Variants in INPP5A observed in about 807,000 individuals in gnomAD.
INPP5A encodes inositol polyphosphate-5-phosphatase A.
A neutral mutation model predicts 65.2 loss-of-function variants in INPP5A; 14 were observed. That is an observed-to-expected ratio of 0.21 (90% CI 0.14 to 0.34). INPP5A has a LOEUF of 0.34. Among genes scored for constraint, INPP5A ranks in the 10% least tolerant of loss-of-function variants. INPP5A has a pLI of 1.00. For synonymous variants in INPP5A, 207 were observed against 208.3 expected (o/e 0.99, Z 0.05); for missense variants, 431 against 545.6 (o/e 0.79, Z 2.09).
In INPP5A at chr10:132,538,354, C is replaced by T. The variant is rs144681092; in HGVS notation, c.75+183C>T. On this transcript the variant is annotated intron_variant, in intron 1 of 15. Transcript: ENST00000368594. This position sits in a 1 kb window ranked among gnomAD's most constrained non-coding sequence, Gnocchi z 4.1. ...ATTCCCAAGTCTGGGAGCCCAGACC[C>T]CTGTCTTGATCCCCAAGCCCGAGAC... Among the ~76,000 whole-genome samples, 1,872 of 152,232 alleles carry T rather than the reference C, an allele frequency of 0.012. 31 individuals carry two copies. Among genetic ancestry groups the T allele is most frequent in the African/African-American group, 0.041 (1,695 of 41,514 alleles).
At chr10:132,591,222 G>A (rs1469634273) in intron 1 of INPP5A, among the ~76,000 whole-genome samples, 2 of 152,116 alleles carry the variant, frequency 1.3e-5, no homozygotes, top group African/African-American at 4.8e-5. Flanking sequence ...TTTGACATTT[G>A]TCTTTTGATT....
rs529008399 is a variant in INPP5A at position 132,603,067 on chromosome 10, A to C, written c.76-4848A>C. 5.3e-5 allele frequency among the ~76,000 whole-genome samples: 8 copies of C among 152,370 alleles called. No homozygotes were observed. The highest frequency in any genetic ancestry group is 1.9e-4 in the African/African-American group (8 of 41,576). Reference sequence around the variant, plus strand: ...GCATTTTAAAAGTAAATATTTAACTAGTCCTAGTATTGCTTGTCAATTAAT... The same window carrying C: ...GCATTTTAAAAGTAAATATTTAACTCGTCCTAGTATTGCTTGTCAATTAAT... On this transcript the variant is annotated intron_variant, in intron 1 of 15. Coordinates refer to ENST00000368594, the MANE Select transcript of INPP5A (RefSeq NM_005539.5). The surrounding 1 kb of genome is among the most constrained non-coding windows in gnomAD (Gnocchi z 4.2).
intron 6 of INPP5A, among the ~76,000 whole-genome samples, chr10:132,703,836 C>G (rs1473039654): frequency 1.4e-5 from 1 of 68,980 alleles, no homozygotes; most frequent in Non-Finnish European, 2.9e-5. Flanking sequence ...GTGGCTTCAC[C>G]CCCCCCCACA....
chr10:132,560,736 G>T (rs914292897), intron 1 of INPP5A, among the ~76,000 whole-genome samples: 1 of 152,084 alleles, frequency 6.6e-6, no homozygotes, highest in Admixed American at 6.6e-5. Flanking sequence ...GTCTCACGTA[G>T]CTGGGACTAC....
chr10:132,690,906 C>G (rs1336886520), intron 5 of INPP5A, among the ~76,000 whole-genome samples: 1 of 152,198 alleles, frequency 6.6e-6, no homozygotes, highest in African/African-American at 2.4e-5. Context: ...CCCTCCTGTT[C>G]ATTTCTTTGT....
At chr10:132,583,022 G>A (rs529689942) in intron 1 of INPP5A, among the ~76,000 whole-genome samples, 1 of 152,238 alleles carries the variant, frequency 6.6e-6, no homozygotes, top group South Asian at 2.1e-4. Context: ...AGTGTGCGGG[G>A]GAGTGATGTC....
chr10:132,764,546 G>A (rs138368234), intron 11 of INPP5A, among the ~76,000 whole-genome samples: 2,479 of 146,696 alleles, frequency 0.017, 13 homozygotes, highest in Middle Eastern at 0.063. Flanking sequence ...GTCCTGCAGG[G>A]GTGGGAGGGT....
intron 4 of INPP5A, among the ~76,000 whole-genome samples, chr10:132,673,549 C>T (rs1299493746): frequency 6.6e-6 from 1 of 152,204 alleles, no homozygotes; most frequent in African/African-American, 2.4e-5. Flanking sequence ...AACCCAGCTG[C>T]TTCAGGATGA....
At chr10:132,712,033 G>A (rs1845645703) in intron 8 of INPP5A, among the ~76,000 whole-genome samples, 1 of 152,226 alleles carries the variant, frequency 6.6e-6, no homozygotes, top group African/African-American at 2.4e-5. Flanking sequence ...GCAGGAGTGG[G>A]AGAGTCCTAT....
intron 1 of INPP5A, among the ~76,000 whole-genome samples, chr10:132,564,734 G>C (rs1325944319): frequency 1.3e-5 from 2 of 152,264 alleles, no homozygotes; most frequent in Non-Finnish European, 2.9e-5. Context: ...GGCCCTGCCA[G>C]TGGCCGCTGG....
At chr10:132,746,363 G>A (rs190860975) in intron 9 of INPP5A, among the ~76,000 whole-genome samples, 11 of 152,330 alleles carry the variant, frequency 7.2e-5, no homozygotes, top group African/African-American at 2.2e-4. Context: ...CAGAGTGTCC[G>A]GGACAGTTGA....
At chr10:132,702,157 A>G (rs1386601957) in intron 6 of INPP5A, among the ~76,000 whole-genome samples, 1 of 152,372 alleles carries the variant, frequency 6.6e-6, no homozygotes, top group East Asian at 1.9e-4. Flanking sequence ...GCTTACCTCA[A>G]AAGGAACTTA....
intron 1 of INPP5A, among the ~76,000 whole-genome samples, chr10:132,600,771 C>T (rs1240457447): frequency 6.6e-6 from 1 of 152,256 alleles, no homozygotes; most frequent in Non-Finnish European, 1.5e-5. Context: ...GCACTTCTTA[C>T]ATGGCAGTGG....
Position 132,780,936 on chromosome 10 carries a change from C to T in INPP5A, c.1158+19C>T. ...CCACAAGGTGACATAGACTGAGGTC[C>T]AGGGGCCAGGCTGGGGGACCAAGGG... is the stretch of plus-strand genomic sequence containing the variant. On this transcript the variant is annotated intron_variant, in intron 14 of 15. Transcript: ENST00000368594. 1 of 1,501,490 alleles carries T rather than the reference C, an allele frequency of 6.7e-7. No individual in the cohort carries two copies. 93.0% of individuals were successfully genotyped at this position (1,501,490 alleles called of 1,614,324 possible). A position where few individuals can be genotyped will look rare whatever the true frequency, so the allele number is the denominator to read the frequency against.
intron 8 of INPP5A, among the ~76,000 whole-genome samples, chr10:132,710,879 C>T (rs1259470992): frequency 6.6e-6 from 1 of 151,768 alleles, no homozygotes; most frequent in African/African-American, 2.4e-5. Context: ...GGTGGGTGGG[C>T]AGGTCGGTGT....
At chr10:132,752,864 G>A (rs897844391) in intron 11 of INPP5A, among the ~76,000 whole-genome samples, 1 of 152,124 alleles carries the variant, frequency 6.6e-6, no homozygotes, top group Non-Finnish European at 1.5e-5. Flanking sequence ...ACCTTTAGAG[G>A]AAAATTAATC....
At chr10:132,730,115 CT>C (rs1180583461) in intron 9 of INPP5A, among the ~76,000 whole-genome samples, 1 of 152,230 alleles carries the variant, frequency 6.6e-6, no homozygotes, top group African/African-American at 2.4e-5. Context: ...TGTTTTTCCT[CT>C]CAGTTCCCCC....
At chr10:132,654,264 G>A (rs1015656449) in intron 4 of INPP5A, among the ~76,000 whole-genome samples, 1 of 152,256 alleles carries the variant, frequency 6.6e-6, no homozygotes, top group South Asian at 2.1e-4. Context: ...GCCTGGGCAC[G>A]GACCTGATCT....
chr10:132,565,836 T>C (rs1214941738), intron 1 of INPP5A, among the ~76,000 whole-genome samples: 1 of 152,106 alleles, frequency 6.6e-6, no homozygotes, highest in East Asian at 1.9e-4. Context: ...TGTGCATGTG[T>C]GTATGTGAAT....
Sources: gnomAD v4.1 joint callset for allele counts (sites outside exome capture counted in the v4.1 genomes callset) on GRCh38, gnomAD v4.1.1 for gene constraint, Gnocchi (gnomAD v3.1) non-coding constraint, MANE v1.5 for transcripts, NCBI Gene and HGNC (gene_info 2026-07-23, HGNC 2026-07-21) for gene names.